KIF26B: variants seen among roughly 807,000 people sequenced by gnomAD.
KIF26B encodes the protein kinesin-like protein KIF26B.
Under a neutral mutation model 151.2 loss-of-function variants are expected in KIF26B, and 63 were observed. The observed-to-expected ratio is 0.42, with a 90% CI of 0.34 to 0.51. The LOEUF (loss-of-function observed/expected upper bound fraction) is 0.51, where lower values mean the gene tolerates loss of function less well. Among genes scored for constraint, KIF26B ranks in the 20% least tolerant of loss-of-function variants. The pLI is 0.07. For missense variants in KIF26B, 2,813 were observed against 2,913.6 expected (o/e 0.97, Z 0.79); for synonymous variants, 1,357 against 1,262.1 (o/e 1.08, Z -1.59).
intron 2 of KIF26B, among the ~76,000 whole-genome samples, chr1:245,296,406 G>C (rs1382717237): frequency 6.6e-6 from 1 of 152,024 alleles, no homozygotes; most frequent in African/African-American, 2.4e-5. Context: ...TTCAGAACCA[G>C]AGGCAAGCAG....
intron 3 of KIF26B, among the ~76,000 whole-genome samples, chr1:245,416,100 C>G (rs1674409635): frequency 1.7e-5 from 2 of 114,534 alleles, no homozygotes; most frequent in South Asian, 5.4e-4. Flanking sequence ...AACCCCGTCT[C>G]TAGTAAAAAT....
intron 9 of KIF26B, among the ~76,000 whole-genome samples, chr1:245,641,670 GTTTAAT>G (rs1315810076): frequency 6.6e-6 from 1 of 151,910 alleles, no homozygotes. Context: ...CAGGATTTCT[GTTTAAT>G]TTTATTTTTT....
intron 2 of KIF26B, among the ~76,000 whole-genome samples, chr1:245,169,976 A>C (rs770495414): frequency 6.6e-6 from 1 of 152,112 alleles, no homozygotes; most frequent in Non-Finnish European, 1.5e-5. Context: ...GAGCGTAGTT[A>C]ATGTCCTGTC....
At chr1:245,390,075 A>G (rs1420953115) in intron 3 of KIF26B, among the ~76,000 whole-genome samples, 2 of 151,776 alleles carry the variant, frequency 1.3e-5, no homozygotes, top group African/African-American at 2.4e-5. Flanking sequence ...AAAGGCAATG[A>G]TGGATAAAAC....
At chr1:245,383,783 A>G (rs1673472120) in intron 3 of KIF26B, among the ~76,000 whole-genome samples, 1 of 152,208 alleles carries the variant, frequency 6.6e-6, no homozygotes, top group Admixed American at 6.5e-5. Context: ...CTTTCTGAAC[A>G]AAATGAGGGC....
intron 4 of KIF26B, among the ~76,000 whole-genome samples, chr1:245,472,770 G>A (rs1659943185): frequency 6.6e-6 from 1 of 152,178 alleles, no homozygotes; most frequent in African/African-American, 2.4e-5. Context: ...GCTCTTCCAA[G>A]CAACCTCCCT....
At chr1:245,253,552 A>C (rs563892573) in intron 2 of KIF26B, among the ~76,000 whole-genome samples, 17 of 151,994 alleles carry the variant, frequency 1.1e-4, no homozygotes, top group Non-Finnish European at 2.5e-4. Flanking sequence ...TTTAGGAAAT[A>C]AGTTGGGGTA....
intron 5 of KIF26B, among the ~76,000 whole-genome samples, chr1:245,562,149 G>T (rs2042962549): frequency 6.6e-6 from 1 of 152,164 alleles, no homozygotes; most frequent in Non-Finnish European, 1.5e-5. Flanking sequence ...TCTCAGCTGT[G>T]CTAGTGGTCC....
chr1:245,423,098 A>C (rs1014001757), intron 4 of KIF26B, among the ~76,000 whole-genome samples: 2 of 92,780 alleles, frequency 2.2e-5, no homozygotes, highest in Non-Finnish European at 5.0e-5. Context: ...ACTCAGTCTC[A>C]AAAAAAAAAA....
chr1:245,561,210 A>G (rs188158082), intron 5 of KIF26B, among the ~76,000 whole-genome samples: 2 of 152,338 alleles, frequency 1.3e-5, no homozygotes, highest in Admixed American at 1.3e-4. Flanking sequence ...TGGCTTATTA[A>G]TAATGAAACA....
intron 3 of KIF26B, among the ~76,000 whole-genome samples, chr1:245,401,107 A>G (rs1673990064): frequency 6.6e-6 from 1 of 152,216 alleles, no homozygotes; most frequent in African/African-American, 2.4e-5. Flanking sequence ...AAAAATTCTA[A>G]GAAAATCCTG....
At chr1:245,188,341 G>A (rs936307373) in intron 2 of KIF26B, among the ~76,000 whole-genome samples, 2 of 151,242 alleles carry the variant, frequency 1.3e-5, no homozygotes, top group Non-Finnish European at 1.5e-5. Context: ...GGGTGTGGTC[G>A]GTGAAGCCGG....
chr1:245,611,293 GA>G (rs1365591449), intron 8 of KIF26B, among the ~76,000 whole-genome samples: 2 of 152,138 alleles, frequency 1.3e-5, no homozygotes, highest in Non-Finnish European at 2.9e-5. Flanking sequence ...GCAAAACTAG[GA>G]GTCAAATGAA....
intron 3 of KIF26B, among the ~76,000 whole-genome samples, chr1:245,386,310 G>A (rs1402283612): frequency 2.0e-5 from 3 of 148,268 alleles, no homozygotes; most frequent in Non-Finnish European, 4.4e-5. Context: ...ATTATTAGCT[G>A]TATTCAGCCT....
In KIF26B at chr1:245,688,514, C is replaced by T. The variant is rs569414109; in HGVS notation, c.5531C>T (p.Ala1844Val). Residue 1844 changes from alanine to valine, a missense_variant, in exon 12 of 15, where the codon GCG (alanine) becomes GTG (valine). By Grantham distance (64) the Ala-to-Val change is moderately conservative. Coordinates refer to ENST00000407071, the MANE Select transcript of KIF26B (RefSeq NM_018012.4). ...GALAEDEPAA[A>V]HLLPSPYSKI... Reference sequence around the variant, plus strand: ...CTGGCCGAGGACGAGCCCGCGGCCGCGCACCTGCTCCCGTCGCCCTACAGC... The same window carrying T: ...CTGGCCGAGGACGAGCCCGCGGCCGTGCACCTGCTCCCGTCGCCCTACAGC... The T allele has an allele frequency of 7.4e-5, 111 of 1,505,198 alleles. 1 individual carries two copies. In the Middle Eastern group the frequency reaches 1.3e-3, roughly 17 times the overall value. The allele number at this position is 1,505,198 out of a possible 1,614,324, so 93.2% of individuals were successfully genotyped here. A position where few individuals can be genotyped will look rare whatever the true frequency, so the allele number is the denominator to read the frequency against.
At chr1:245,295,327 G>T (rs1671318563) in intron 2 of KIF26B, among the ~76,000 whole-genome samples, 1 of 152,142 alleles carries the variant, frequency 6.6e-6, no homozygotes, top group Admixed American at 6.5e-5. Context: ...AATGGAACCG[G>T]TTGACTGCTT....
intron 5 of KIF26B, among the ~76,000 whole-genome samples, chr1:245,566,481 A>G (rs925557260): frequency 2.6e-5 from 4 of 152,388 alleles, no homozygotes; most frequent in African/African-American, 9.6e-5. Flanking sequence ...GTAAAATATG[A>G]ATGAAAAAAT....
At chr1:245,680,273 G>A (rs2044416178) in intron 10 of KIF26B, among the ~76,000 whole-genome samples, 1 of 152,108 alleles carries the variant, frequency 6.6e-6, no homozygotes, top group African/African-American at 2.4e-5. Context: ...TATGCACCAT[G>A]TTTTACTCCC....
intron 4 of KIF26B, among the ~76,000 whole-genome samples, chr1:245,539,397 G>A (rs577891377): frequency 2.0e-5 from 3 of 152,336 alleles, no homozygotes; most frequent in South Asian, 4.1e-4. Context: ...CTCTCGTGAT[G>A]TGTTCTGCAA....
Sources: allele counts gnomAD v4.1 joint callset (sites outside exome capture counted in the v4.1 genomes callset), GRCh38; gene constraint gnomAD v4.1.1; transcripts MANE v1.5; gene names NCBI Gene and HGNC (gene_info 2026-07-23, HGNC 2026-07-21).